Variants in ITPK1 observed in about 807,000 individuals in gnomAD.
The protein encoded by ITPK1 is inositol-tetrakisphosphate 1-kinase.
Under a neutral mutation model 45.3 loss-of-function variants are expected in ITPK1, and 21 were observed. The observed-to-expected ratio is 0.46, with a 90% CI of 0.33 to 0.67. The LOEUF (loss-of-function observed/expected upper bound fraction) is 0.67. Ranked by LOEUF, ITPK1 falls within the 30% of genes least tolerant of loss-of-function variation. The pLI, the probability that ITPK1 is intolerant of heterozygous loss-of-function variation, is 0.02. For missense variants in ITPK1, 474 were observed against 573.5 expected, an observed-to-expected ratio of 0.83 and a Z score of 1.77; for synonymous variants, 258 against 253.6, an observed-to-expected ratio of 1.02 and a Z score of -0.16.
At position 93,003,052 on chromosome 14, in the gene ITPK1, C is replaced by T. The variant is rs116348362; in HGVS notation, c.247-9055G>A. 4.9e-3 allele frequency among the ~76,000 whole-genome samples: 749 copies of T among 152,292 alleles called. 7 individuals are homozygous for T. Among genetic ancestry groups the T allele is most frequent in the African/African-American group, 0.017 (721 of 41,562 alleles). On this transcript the variant is annotated intron_variant, in intron 4 of 10. Coordinates refer to ENST00000267615, the MANE Select transcript of ITPK1 (RefSeq NM_014216.6). Reference sequence around the variant, plus strand: ...GCCTCTGTGAGGAGGGTCCGCGTGGCGCAGGGGGAAGAGCGTGTCAGGGCC... The same window carrying T: ...GCCTCTGTGAGGAGGGTCCGCGTGGTGCAGGGGGAAGAGCGTGTCAGGGCC...
intron 3 of ITPK1, among the ~76,000 whole-genome samples, chr14:93,044,359 A>G (rs928810452): frequency 3.3e-5 from 5 of 152,196 alleles, no homozygotes; most frequent in Non-Finnish European, 7.3e-5. Flanking sequence ...CCGCAGAGAT[A>G]GGAAAGCTGA....
chr14:92,971,881 C>A (rs1158511036), intron 5 of ITPK1, among the ~76,000 whole-genome samples: 1 of 152,208 alleles, frequency 6.6e-6, no homozygotes, highest in Non-Finnish European at 1.5e-5. Context: ...TGGATGCCCA[C>A]CCTCCTCGGG....
intron 2 of ITPK1, among the ~76,000 whole-genome samples, chr14:93,089,498 A>C (rs1287102740): frequency 6.6e-6 from 1 of 152,170 alleles, no homozygotes; most frequent in East Asian, 1.9e-4. Context: ...GAAGGATTCA[A>C]GCAGATGCCA....
chr14:92,960,544 A>G (rs112694196), intron 7 of ITPK1, among the ~76,000 whole-genome samples: 141 of 152,354 alleles, frequency 9.3e-4, no homozygotes, highest in African/African-American at 3.2e-3. Flanking sequence ...CACCAGAATC[A>G]GTCCCAGGTC....
At chr14:93,046,871 A>G (rs995203583) in intron 3 of ITPK1, among the ~76,000 whole-genome samples, 1 of 152,206 alleles carries the variant, frequency 6.6e-6, no homozygotes, top group Non-Finnish European at 1.5e-5. Context: ...AAGGCCGCAC[A>G]TGCAGCCCAG....
chr14:92,992,397 A>C (rs796495067), intron 5 of ITPK1, among the ~76,000 whole-genome samples: 21 of 152,362 alleles, frequency 1.4e-4, no homozygotes, highest in African/African-American at 4.8e-4. Context: ...GGATCCAGGA[A>C]GACAGTGCAA....
chr14:93,034,969 G>A lies in ITPK1; in HGVS notation c.121-18168C>T, dbSNP rs187460153. Among the ~76,000 whole-genome samples the A allele has an allele frequency of 5.3e-5, 8 of 152,328 alleles. No individual in the cohort carries two copies. Among genetic ancestry groups the A allele is most frequent in the Non-Finnish European group, 8.8e-5 (6 of 68,024 alleles). Reference sequence around the variant, plus strand: ...GTAGCACTGACGGGCCTGGCCTCTGGGCACCTGCACCTACAAAGCAAGTCC... The same window carrying A: ...GTAGCACTGACGGGCCTGGCCTCTGAGCACCTGCACCTACAAAGCAAGTCC... On this transcript the variant is annotated intron_variant, in intron 3 of 10. Transcript: ENST00000267615. The surrounding 1 kb of genome is among the most constrained non-coding windows in gnomAD (Gnocchi z 4.1).
At chr14:93,011,608 G>T (rs957653948) in intron 4 of ITPK1, among the ~76,000 whole-genome samples, 1 of 152,146 alleles carries the variant, frequency 6.6e-6, no homozygotes, top group Non-Finnish European at 1.5e-5. Context: ...TCCTGTGTAG[G>T]CTGGGCAAGG....
chr14:92,945,143 A>G lies in ITPK1; in HGVS notation c.901+1188T>C, dbSNP rs149187102. Among the ~76,000 whole-genome samples the G allele has an allele frequency of 9.9e-3, 1,508 of 152,316 alleles. 20 individuals carry two copies. Among genetic ancestry groups the G allele is most frequent in the African/African-American group, 0.034 (1,419 of 41,568 alleles). On this transcript the variant is annotated intron_variant, in intron 10 of 10. Coordinates refer to ENST00000267615, the MANE Select transcript of ITPK1 (RefSeq NM_014216.6). ...GGGGTGAGCTCTCCCCAGGCAGGGC[A>G]TGGCAGTGGAGCTCAAGCTGCATCA...
intron 3 of ITPK1, chr14:93,066,184 C>A (rs890660903): frequency 3.1e-5 from 14 of 452,610 alleles, no homozygotes; most frequent in African/African-American, 2.8e-4. Flanking sequence ...AATTCACTCA[C>A]CCAGTAGACA....
At chr14:93,058,824 T>G (rs1045212653) in intron 3 of ITPK1, among the ~76,000 whole-genome samples, 1 of 540 alleles carries the variant, frequency 1.9e-3, no homozygotes, top group African/African-American at 0.011. Flanking sequence ...GGTCACAAGG[T>G]GGGGTGGAGG....
Position 92,993,666 on chromosome 14 carries a change from C to T in ITPK1, c.364+214G>A, listed in dbSNP as rs576182593. Reference sequence around the variant, plus strand: ...AAACAAAACCCTCAGAGCCCCCTTCCGCAAGAGCACCCTGAGGCTTTTGTT... The same window carrying T: ...AAACAAAACCCTCAGAGCCCCCTTCTGCAAGAGCACCCTGAGGCTTTTGTT... On this transcript the variant is annotated intron_variant, in intron 5 of 10. Coordinates refer to ENST00000267615, the MANE Select transcript of ITPK1 (RefSeq NM_014216.6). 4.5e-4 allele frequency among the ~76,000 whole-genome samples: 68 copies of T among 152,322 alleles called. 1 individual carries two copies. In the South Asian group the frequency reaches 4.8e-3, roughly 11 times the overall value.
chr14:93,081,086 T>C (rs2139991007), intron 2 of ITPK1, among the ~76,000 whole-genome samples: 1 of 151,650 alleles, frequency 6.6e-6, no homozygotes, highest in East Asian at 2.0e-4. Context: ...TCCCAGCACT[T>C]TGGGAGGCCG....
At chr14:92,980,206 G>C (rs1280821316) in intron 5 of ITPK1, among the ~76,000 whole-genome samples, 1 of 152,186 alleles carries the variant, frequency 6.6e-6, no homozygotes, top group East Asian at 1.9e-4. Context: ...TAAAATACAA[G>C]GCTGGATCTG....
chr14:92,967,358 A>G (rs1885428280), intron 5 of ITPK1, among the ~76,000 whole-genome samples: 1 of 152,232 alleles, frequency 6.6e-6, no homozygotes, highest in Non-Finnish European at 1.5e-5. Flanking sequence ...CAAAACCACA[A>G]TGAGACACCA....
rs76644258 is a variant in ITPK1, at chr14:92,991,983, T to C, written c.364+1897A>G. Among the ~76,000 whole-genome samples the C allele has an allele frequency of 2.7e-3, 417 of 152,248 alleles. 1 individual carries two copies. Among genetic ancestry groups the C allele is most frequent in the Admixed American group, 4.7e-3 (72 of 15,298 alleles). ...GTGGCTGAACCAGGTATCACCCATA[T>C]CTTCCAGAACACCAGCAGAACTCAA... is the stretch of plus-strand genomic sequence containing the variant. On this transcript the variant is annotated intron_variant, in intron 5 of 10. Coordinates refer to ENST00000267615, the MANE Select transcript of ITPK1 (RefSeq NM_014216.6).
chr14:92,967,978 GATGACCGCACA>G (rs1885463448), intron 5 of ITPK1, among the ~76,000 whole-genome samples: 1 of 152,204 alleles, frequency 6.6e-6, no homozygotes, highest in South Asian at 2.1e-4. Flanking sequence ...AATTAGTAGT[GATGACCGCACA>G]ATTTTGTGAA....
intron 8 of ITPK1, among the ~76,000 whole-genome samples, chr14:92,954,262 C>A (rs551527299): frequency 6.6e-6 from 1 of 152,158 alleles, no homozygotes; most frequent in Non-Finnish European, 1.5e-5. Flanking sequence ...GAGAGATGGT[C>A]TGGGCTCAGT....
At chr14:93,023,351 C>G (rs1888568136) in intron 3 of ITPK1, among the ~76,000 whole-genome samples, 1 of 152,256 alleles carries the variant, frequency 6.6e-6, no homozygotes, top group Admixed American at 6.5e-5. Context: ...TCTCTCCCCT[C>G]TGGTGCAGGA....
Sources: allele counts gnomAD v4.1 joint callset (sites outside exome capture counted in the v4.1 genomes callset), GRCh38; gene constraint gnomAD v4.1.1; non-coding constraint Gnocchi (gnomAD v3.1); transcripts MANE v1.5; gene names NCBI Gene and HGNC (gene_info 2026-07-23, HGNC 2026-07-21).